The following NEK6 variants were observed in gnomAD, a reference collection of about 807,000 sequenced individuals.
NEK6 encodes the protein serine/threonine-protein kinase Nek6.
A neutral mutation model predicts 43.5 loss-of-function variants in NEK6; 27 were observed. The observed-to-expected ratio is 0.62, with a 90% CI of 0.46 to 0.86. NEK6 has a LOEUF of 0.86. Among genes scored for constraint, NEK6 ranks in the 40% least tolerant of loss-of-function variants. The pLI, the probability that NEK6 is intolerant of heterozygous loss-of-function variation, is 0.00. For missense variants in NEK6, 318 were observed against 414.4 expected (o/e 0.77, Z 2.02); for synonymous variants, 167 against 164.1 (o/e 1.02, Z -0.14).
At chr9:124,265,003 G>A (rs1294119104) in intron 1 of NEK6, among the ~76,000 whole-genome samples, 4 of 152,050 alleles carry the variant, frequency 2.6e-5, no homozygotes, top group East Asian at 1.9e-4. Flanking sequence ...ACATGAAGTA[G>A]CCAGAATAGA....
chr9:124,281,494 T>C (rs10760346), intron 1 of NEK6, among the ~76,000 whole-genome samples: 38,360 of 130,004 alleles, frequency 0.3, 5,268 homozygotes, highest in South Asian at 0.37. Flanking sequence ...TTTCTTTTTT[T>C]TTTTTTTTTT....
At chr9:124,269,828 A>C (rs1423492481) in intron 1 of NEK6, among the ~76,000 whole-genome samples, 1 of 151,910 alleles carries the variant, frequency 6.6e-6, no homozygotes, top group Non-Finnish European at 1.5e-5. Context: ...TCATTAAGGG[A>C]GTTTACTGCA....
At position 124,312,764 on chromosome 9, in the gene NEK6, A is replaced by T. The variant is rs73666858; in HGVS notation, c.231+115A>T. ...CTCTTCTGTGAACGAGGGAAACAGCACTCAACTCACTGGGTTACAGAGAGA... is the reference window on the plus strand; with the variant it reads ...CTCTTCTGTGAACGAGGGAAACAGCTCTCAACTCACTGGGTTACAGAGAGA... On this transcript the variant is annotated intron_variant, in intron 3 of 9. Coordinates refer to ENST00000320246, the MANE Select transcript of NEK6 (RefSeq NM_014397.6). 3.8e-3 allele frequency: 3,953 copies of T among 1,030,606 alleles called. 90 individuals are homozygous for T. In the African/African-American group the frequency reaches 0.053, roughly 14 times the overall value. 63.8% of individuals were successfully genotyped at this position (1,030,606 alleles called of 1,614,324 possible).
At chr9:124,292,910 G>A (rs1485061344) in intron 1 of NEK6, 8 of 1,509,880 alleles carry the variant, frequency 5.3e-6, no homozygotes, top group East Asian at 2.5e-5. Context: ...TGGGAGTGAC[G>A]GGGTGAGTCC....
At chr9:124,314,564 C>G (rs1279167820) in intron 4 of NEK6, among the ~76,000 whole-genome samples, 1 of 151,820 alleles carries the variant, frequency 6.6e-6, no homozygotes, top group East Asian at 1.9e-4. Context: ...GATCATAGCT[C>G]ACTGCAGCCT....
intron 8 of NEK6, 26 bp from the exon 9 acceptor site, chr9:124,347,683 A>T: frequency 6.8e-7 from 1 of 1,462,652 alleles, no homozygotes; most frequent in Non-Finnish European, 9.4e-7. Flanking sequence ...CCGAAAGCTT[A>T]TCTTCGTTGT....
intron 8 of NEK6, among the ~76,000 whole-genome samples, chr9:124,345,629 C>G (rs1829881290): frequency 6.6e-6 from 1 of 152,182 alleles, no homozygotes; most frequent in African/African-American, 2.4e-5. Flanking sequence ...TGAAGATCGG[C>G]TGATTCCTCT....
chr9:124,299,276 C>T (rs886164125), intron 1 of NEK6, among the ~76,000 whole-genome samples: 4 of 152,248 alleles, frequency 2.6e-5, no homozygotes, highest in Non-Finnish European at 5.9e-5. Context: ...GTTCTCCACT[C>T]TTTCCCTGGA....
chr9:124,337,696 C>T (rs1451335057), intron 7 of NEK6, among the ~76,000 whole-genome samples: 1 of 152,214 alleles, frequency 6.6e-6, no homozygotes, highest in Non-Finnish European at 1.5e-5. Context: ...ACAAACAAAG[C>T]CACTCTGCAC....
chr9:124,293,107 C>T (rs1034773971), intron 1 of NEK6: 2 of 1,305,126 alleles, frequency 1.5e-6, no homozygotes, highest in South Asian at 2.1e-5. Context: ...CCGCAGCTCT[C>T]CCCAGCTGCA....
At chr9:124,266,298 G>C (rs1360217862) in intron 1 of NEK6, among the ~76,000 whole-genome samples, 37 of 152,204 alleles carry the variant, frequency 2.4e-4, no homozygotes. Context: ...CAGTGATGCC[G>C]TGATGTGGGT....
At position 124,284,068 on chromosome 9, in the gene NEK6, G is replaced by A. The variant is rs1832042999; in HGVS notation, c.-29-17868G>A. 1.3e-5 allele frequency among the ~76,000 whole-genome samples: 2 copies of A among 152,246 alleles called. 1 individual carries two copies. Among genetic ancestry groups the A allele is most frequent in the South Asian group, 4.1e-4 (2 of 4,836 alleles). The stretch of plus-strand genomic sequence containing the variant: ...CCCATCTTTAAAATACCAGATGTGG[G>A]CCAGGCGCAGTGGCTCTCGCCTATA... On this transcript the variant is annotated intron_variant, in intron 1 of 9. Coordinates refer to ENST00000320246, the MANE Select transcript of NEK6 (RefSeq NM_014397.6).
chr9:124,273,591 A>T (rs1285297578), intron 1 of NEK6, among the ~76,000 whole-genome samples: 1 of 152,146 alleles, frequency 6.6e-6, no homozygotes, highest in Non-Finnish European at 1.5e-5. Context: ...TTTATAAGAA[A>T]ATGTTTCCAA....
At chr9:124,315,935 C>A (rs1014753091) in intron 4 of NEK6, among the ~76,000 whole-genome samples, 1 of 152,200 alleles carries the variant, frequency 6.6e-6, no homozygotes, top group African/African-American at 2.4e-5. Context: ...ACAACAGGGA[C>A]GCTGGAGGAG....
chr9:124,331,501 C>T (rs2130985156), intron 7 of NEK6, among the ~76,000 whole-genome samples: 1 of 152,186 alleles, frequency 6.6e-6, no homozygotes, highest in African/African-American at 2.4e-5. Context: ...TGTGGGTGCC[C>T]AGGGAAGGGG....
chr9:124,298,986 G>A (rs1473913267), intron 1 of NEK6, among the ~76,000 whole-genome samples: 1 of 152,248 alleles, frequency 6.6e-6, no homozygotes, highest in Non-Finnish European at 1.5e-5. Flanking sequence ...TGCAGACCAT[G>A]GCATCTGGCT....
intron 8 of NEK6, among the ~76,000 whole-genome samples, chr9:124,340,928 CA>C (rs1829578952): frequency 6.6e-6 from 1 of 152,256 alleles, no homozygotes; most frequent in Non-Finnish European, 1.5e-5. Flanking sequence ...CTCTCGTGGC[CA>C]GGGGGTCTTG....
rs1830250718 is a variant in NEK6, at chr9:124,351,027, T to TA, written c.*81dup. 5 of 961,660 alleles carry TA rather than the reference T, an allele frequency of 5.2e-6. No homozygotes were observed. The highest frequency in any genetic ancestry group is 6.4e-6 in the Non-Finnish European group (4 of 622,888). 59.6% of individuals were successfully genotyped at this position (961,660 alleles called of 1,614,324 possible). ...GTCTTCTCTTCGAGTGGCCACCTGG[T>TA]AGCCTAGAACAGCTAAGACCACAGG... is the stretch of plus-strand genomic sequence containing the variant. On this transcript the variant is annotated 3_prime_UTR_variant, in exon 10 of 10. Transcript: ENST00000320246.
chr9:124,330,383 G>C (rs985306954), intron 7 of NEK6, among the ~76,000 whole-genome samples: 1 of 152,206 alleles, frequency 6.6e-6, no homozygotes, highest in Admixed American at 6.5e-5. Context: ...GTCTCGCTCC[G>C]AGCAACGGCA....
Sources: allele counts gnomAD v4.1 joint callset (sites outside exome capture counted in the v4.1 genomes callset), GRCh38; gene constraint gnomAD v4.1.1; transcripts MANE v1.5; gene names NCBI Gene and HGNC (gene_info 2026-07-23, HGNC 2026-07-21).